Variants in CPED1 observed in about 807,000 individuals in gnomAD.
CPED1 encodes cadherin like and PC-esterase domain containing 1, also known as cadherin-like and PC-esterase domain-containing protein 1.
A neutral mutation model predicts 128.2 loss-of-function variants in CPED1; 114 were observed. That is an observed-to-expected ratio of 0.89 (90% CI 0.76 to 1.04). CPED1 has a LOEUF of 1.04. CPED1 is among the 50% of genes least tolerant of loss of function. CPED1 has a pLI of 0.00. For synonymous variants in CPED1, 462 were observed against 426.7 expected (o/e 1.08, Z -1.02); for missense variants, 1,211 against 1,207.1 (o/e 1.00, Z -0.05).
intron 7 of CPED1, among the ~76,000 whole-genome samples, chr7:121,114,805 G>A (rs1448938739): frequency 6.6e-6 from 1 of 152,168 alleles, no homozygotes; most frequent in Non-Finnish European, 1.5e-5. Flanking sequence ...TTTAAGAATT[G>A]GGTGTATCAC....
intron 16 of CPED1, among the ~76,000 whole-genome samples, chr7:121,151,806 G>T (rs1298614651): frequency 6.6e-6 from 1 of 152,110 alleles, no homozygotes; most frequent in African/African-American, 2.4e-5. Flanking sequence ...ATTGTTTTTT[G>T]TTCAAAGAAA....
intron 16 of CPED1, among the ~76,000 whole-genome samples, chr7:121,165,450 A>G (rs1194789271): frequency 6.6e-6 from 1 of 152,200 alleles, no homozygotes; most frequent in Non-Finnish European, 1.5e-5. Flanking sequence ...TTAAGGACAC[A>G]ATTTTGTATG....
chr7:121,058,187 A>T (rs1793551666), intron 4 of CPED1, among the ~76,000 whole-genome samples: 1 of 152,168 alleles, frequency 6.6e-6, no homozygotes, highest in Non-Finnish European at 1.5e-5. Flanking sequence ...TGTCGTAAGG[A>T]CTGCGGGCTT....
intron 5 of CPED1, among the ~76,000 whole-genome samples, chr7:121,084,902 C>T (rs1794383318): frequency 6.6e-6 from 1 of 152,182 alleles, no homozygotes; most frequent in Admixed American, 6.5e-5. Flanking sequence ...CAGTGCATTC[C>T]AAAGAAATAC....
chr7:121,097,308 A>C (rs1794722923), intron 5 of CPED1, among the ~76,000 whole-genome samples: 2 of 152,166 alleles, frequency 1.3e-5, no homozygotes, highest in Admixed American at 6.6e-5. Flanking sequence ...AAATCAGCTC[A>C]AGTTTTCTAT....
At chr7:121,198,088 A>T (rs1797309981) in intron 16 of CPED1, among the ~76,000 whole-genome samples, 1 of 152,160 alleles carries the variant, frequency 6.6e-6, no homozygotes, top group Admixed American at 6.5e-5. Flanking sequence ...TTAGAACAAG[A>T]TTACAATAAA....
intron 3 of CPED1, among the ~76,000 whole-genome samples, chr7:121,027,752 T>TAATA (rs137962519): frequency 0.054 from 7,834 of 146,146 alleles, 336 homozygotes; most frequent in South Asian, 0.16. Flanking sequence ...GTAATAATAA[T>TAATA]AATAATAATA....
At chr7:121,099,290 G>A (rs947740109) in intron 6 of CPED1, among the ~76,000 whole-genome samples, 1 of 152,040 alleles carries the variant, frequency 6.6e-6, no homozygotes, top group African/African-American at 2.4e-5. Flanking sequence ...CACGGGTACT[G>A]TAACTAATTT....
At chr7:121,123,322 C>A (rs1043069013) in intron 7 of CPED1, among the ~76,000 whole-genome samples, 3 of 152,124 alleles carry the variant, frequency 2.0e-5, no homozygotes, top group Non-Finnish European at 4.4e-5. Flanking sequence ...TTTCCACAGG[C>A]AATCCAGGCC....
rs767731316 is a variant in CPED1, at chr7:121,099,972, G to A, written c.796G>A (p.Glu266Lys). The A allele has an allele frequency of 6.2e-6, 10 of 1,613,024 alleles. No homozygotes were observed. Among genetic ancestry groups the A allele is most frequent in the Admixed American group, 5.0e-5 (3 of 59,884 alleles). ...LAPHETIFRAEDLSVILKAYV... is the reference protein window; with the variant it reads ...LAPHETIFRAKDLSVILKAYV... ...TCCACATGAAACAATCTTTCGAGCCGAAGATCTATCTGTGATTCTTAAAGC... is the reference window on the plus strand; with the variant it reads ...TCCACATGAAACAATCTTTCGAGCCAAAGATCTATCTGTGATTCTTAAAGC... Residue 266 changes from glutamate (E) to lysine (K), a missense_variant, in exon 7 of 23, where the codon GAA (glutamate) becomes AAA (lysine). By Grantham distance (56) the Glu-to-Lys change is moderately conservative (BLOSUM62 1). Coordinates refer to ENST00000310396, the MANE Select transcript of CPED1 (RefSeq NM_024913.5).
chr7:121,191,270 G>A (rs1253655798), intron 16 of CPED1, among the ~76,000 whole-genome samples: 1 of 152,076 alleles, frequency 6.6e-6, no homozygotes, highest in Non-Finnish European at 1.5e-5. Flanking sequence ...CAAATAGTTT[G>A]CAGATTTATA....
intron 16 of CPED1, among the ~76,000 whole-genome samples, chr7:121,211,086 C>A (rs927238563): frequency 2.0e-5 from 3 of 151,998 alleles, no homozygotes; most frequent in Non-Finnish European, 4.4e-5. Flanking sequence ...AAACGTATGA[C>A]CTTTCTAAGA....
chr7:121,244,248 T>C lies in CPED1; in HGVS notation c.2220T>C (p.Cys740=), dbSNP rs1276083727. 10 of 1,614,158 alleles carry C rather than the reference T, an allele frequency of 6.2e-6. No individual in the cohort carries two copies. Among genetic ancestry groups the C allele is most frequent in the Middle Eastern group, 1.6e-4 (1 of 6,062 alleles). Residue 740 remains cysteine (C), a synonymous_variant, in exon 18 of 23, where the codon TGT becomes TGC. Coordinates refer to ENST00000310396, the MANE Select transcript of CPED1 (RefSeq NM_024913.5). ...PCLSCSDNRT[C]DWREITWQPH... The stretch of plus-strand genomic sequence containing the variant: ...TTAGTTGTTCGGACAACAGGACGTG[T>C]GACTGGAGAGAAATAACCTGGCAGC...
chr7:121,156,783 ATTTTGTC>A (rs550025073), intron 16 of CPED1, among the ~76,000 whole-genome samples: 20 of 150,654 alleles, frequency 1.3e-4, no homozygotes, highest in Non-Finnish European at 2.5e-4. Flanking sequence ...TTATATGCAT[ATTTTGTC>A]TAAATAAAAA....
intron 7 of CPED1, among the ~76,000 whole-genome samples, chr7:121,102,883 A>G (rs1794889119): frequency 6.6e-6 from 1 of 151,988 alleles, no homozygotes; most frequent in Non-Finnish European, 1.5e-5. Flanking sequence ...CCTTTCAAAG[A>G]GGTGTTTGTT....
intron 18 of CPED1, among the ~76,000 whole-genome samples, chr7:121,252,700 AAC>A (rs1240208933): frequency 2.0e-5 from 3 of 152,186 alleles, no homozygotes; most frequent in Admixed American, 2.0e-4. Flanking sequence ...GCAGCCAAAA[AAC>A]ACACGAAAAA....
intron 16 of CPED1, among the ~76,000 whole-genome samples, chr7:121,158,258 G>A (rs559345360): frequency 6.6e-6 from 1 of 152,286 alleles, no homozygotes; most frequent in East Asian, 1.9e-4. Flanking sequence ...AGGCAATAGT[G>A]GTACAGAATG....
At chr7:121,141,105 C>A in intron 15 of CPED1, 92 bp downstream of exon 15, 2 of 999,696 alleles carry the variant, frequency 2.0e-6, no homozygotes, top group Non-Finnish European at 1.4e-6. Flanking sequence ...AAAGCTGATT[C>A]ATAAGATCAG....
intron 16 of CPED1, among the ~76,000 whole-genome samples, chr7:121,228,553 A>G (rs1459151512): frequency 6.8e-6 from 1 of 146,814 alleles, no homozygotes; most frequent in Admixed American, 7.0e-5. Context: ...ATAAACTAGT[A>G]CTGCTACTAT....
Sources: allele counts gnomAD v4.1 joint callset (sites outside exome capture counted in the v4.1 genomes callset), GRCh38; gene constraint gnomAD v4.1.1; transcripts MANE v1.5; gene names NCBI Gene and HGNC (gene_info 2026-07-23, HGNC 2026-07-21).